Variants in MEI4 observed in about 807,000 individuals in gnomAD.
MEI4 encodes the protein meiosis-specific protein MEI4.
Under a neutral mutation model 31.4 loss-of-function variants are expected in MEI4, and 27 were observed. The observed-to-expected ratio is 0.86, with a 90% CI of 0.63 to 1.19. MEI4 has a LOEUF of 1.19. Among genes scored for constraint, MEI4 ranks in the 50% most tolerant of loss-of-function variants. The pLI, the probability that MEI4 is intolerant of heterozygous loss-of-function variation, is 0.00. For missense variants in MEI4, 329 were observed against 398.9 expected, an observed-to-expected ratio of 0.82 and a Z score of 1.49; for synonymous variants, 122 against 145.4, an observed-to-expected ratio of 0.84 and a Z score of 1.16.
chr6:77,790,820 C>G (rs2127695770), intron 3 of MEI4, among the ~76,000 whole-genome samples: 1 of 151,960 alleles, frequency 6.6e-6, no homozygotes, highest in African/African-American at 2.4e-5. Context: ...ATTATGAACT[C>G]AAACAAATTT....
chr6:77,926,230 ATTAGC>A lies in MEI4; in HGVS notation c.*2888_*2892del, dbSNP rs2127745278. 1 of 152,040 alleles carries A rather than the reference ATTAGC, an allele frequency of 6.6e-6. No homozygotes were observed. Among genetic ancestry groups the A allele is most frequent in the African/African-American group, 2.4e-5 (1 of 41,536 alleles). The allele number at this position is 152,040 out of a possible 1,614,324, so 9.4% of individuals were successfully genotyped here. ...CAACAGTGGAAATTACTAGCTTATG[ATTAGC>A]TTATTTTGGATTTTTTAATTGCTGT... On this transcript the variant is annotated 3_prime_UTR_variant, in exon 5 of 5. Coordinates refer to ENST00000684080, the MANE Select transcript of MEI4 (RefSeq NM_001322247.2).
chr6:77,739,696 C>T (rs984300071), intron 2 of MEI4, among the ~76,000 whole-genome samples: 5 of 151,926 alleles, frequency 3.3e-5, no homozygotes, highest in Admixed American at 3.3e-4. Flanking sequence ...AACAAACCTG[C>T]ACGTTCTGCA....
chr6:77,877,447 A>G (rs1771368492), intron 4 of MEI4, among the ~76,000 whole-genome samples: 2 of 150,506 alleles, frequency 1.3e-5, no homozygotes, highest in South Asian at 4.2e-4. Context: ...AAAGAAGGAA[A>G]ATTAAGCCAT....
chr6:77,916,317 C>T (rs570884900), intron 4 of MEI4, among the ~76,000 whole-genome samples: 66 of 151,984 alleles, frequency 4.3e-4, no homozygotes, highest in Non-Finnish European at 5.6e-4. Context: ...AAAATCTTTC[C>T]TTTTATCATG....
intron 3 of MEI4, among the ~76,000 whole-genome samples, chr6:77,773,285 A>G (rs1481218171): frequency 1.3e-5 from 2 of 151,784 alleles, no homozygotes; most frequent in Admixed American, 6.6e-5. Flanking sequence ...TTACCACTAT[A>G]CTGGAGAGCT....
At position 77,680,128 on chromosome 6, in the gene MEI4, A is replaced by AAAAAAAAAAAAAAAAAAAAAAAAAAAT. The variant is rs1247876878; in HGVS notation, c.-14-10529_-14-10528insAAAAAAAAAAAAAAAAAAAAAAAAATA. On this transcript the variant is annotated intron_variant, in intron 1 of 4. Transcript: ENST00000684080. Reference sequence around the variant, plus strand: ...CTACTAAAAATACAAAAAAAAAAAAAATTAGCTGGGCGTGATGGCGGGCGC... The same window carrying AAAAAAAAAAAAAAAAAAAAAAAAAAAT: ...CTACTAAAAATACAAAAAAAAAAAAAAAAAAAAAAAAAAAAAAAAAAAAAAATATTAGCTGGGCGTGATGGCGGGCGC... Among the ~76,000 whole-genome samples, 39 of 115,550 alleles carry AAAAAAAAAAAAAAAAAAAAAAAAAAAT rather than the reference A, an allele frequency of 3.4e-4. 1 individual carries two copies. The highest frequency in any genetic ancestry group is 8.0e-4 in the African/African-American group (26 of 32,410). 75.8% of individuals were successfully genotyped at this position (115,550 alleles called of 152,430 possible).
At chr6:77,922,485 T>C (rs1766726723) in intron 4 of MEI4, among the ~76,000 whole-genome samples, 2 of 151,688 alleles carry the variant, frequency 1.3e-5, no homozygotes, top group Admixed American at 6.6e-5. Context: ...ATTTTATGCT[T>C]GCTATTGTCT....
intron 3 of MEI4, among the ~76,000 whole-genome samples, chr6:77,791,444 C>A (rs1178248236): frequency 6.8e-6 from 1 of 146,916 alleles, no homozygotes; most frequent in Non-Finnish European, 1.5e-5. Flanking sequence ...AAAAACCAAA[C>A]ACTGCATATT....
chr6:77,865,814 G>C (rs989138396), intron 4 of MEI4, among the ~76,000 whole-genome samples: 2 of 152,138 alleles, frequency 1.3e-5, no homozygotes, highest in Non-Finnish European at 1.5e-5. Flanking sequence ...GATGAACATT[G>C]ATGCAAAAAT....
chr6:77,777,328 C>G (rs1768476837), intron 3 of MEI4, among the ~76,000 whole-genome samples: 1 of 152,176 alleles, frequency 6.6e-6, no homozygotes, highest in Non-Finnish European at 1.5e-5. Flanking sequence ...CATAAATTAG[C>G]TCTACTAGTT....
At chr6:77,665,338 G>T (rs1286546858) in intron 1 of MEI4, among the ~76,000 whole-genome samples, 3 of 152,084 alleles carry the variant, frequency 2.0e-5, no homozygotes, top group Non-Finnish European at 4.4e-5. Context: ...GGGTTGAGGG[G>T]TACTTGCCCC....
At chr6:77,665,568 G>T (rs1010820830) in intron 1 of MEI4, among the ~76,000 whole-genome samples, 1 of 152,160 alleles carries the variant, frequency 6.6e-6, no homozygotes, top group South Asian at 2.1e-4. Context: ...TGCTGCTAAG[G>T]GTGAAGGACC....
At chr6:77,771,700 T>A (rs1768323370) in intron 3 of MEI4, among the ~76,000 whole-genome samples, 1 of 151,978 alleles carries the variant, frequency 6.6e-6, no homozygotes, top group Non-Finnish European at 1.5e-5. Context: ...AAATGAAATA[T>A]TACATGTTCT....
intron 4 of MEI4, among the ~76,000 whole-genome samples, chr6:77,867,594 T>C (rs1325824271): frequency 6.6e-6 from 1 of 152,014 alleles, no homozygotes; most frequent in Non-Finnish European, 1.5e-5. Context: ...TGTGGAGAAA[T>C]AGGAACACTT....
intron 2 of MEI4, among the ~76,000 whole-genome samples, chr6:77,695,768 A>T (rs1268788092): frequency 6.6e-6 from 1 of 152,200 alleles, no homozygotes; most frequent in African/African-American, 2.4e-5. Context: ...GTTCCATATG[A>T]ACTTGAAAGT....
At chr6:77,741,181 A>T (rs149088610) in intron 2 of MEI4, among the ~76,000 whole-genome samples, 54 of 152,274 alleles carry the variant, frequency 3.5e-4, no homozygotes, top group Non-Finnish European at 2.5e-4. Context: ...GTGAACTGTC[A>T]GGAATTTAAA....
At chr6:77,882,964 C>T (rs1308710012) in intron 4 of MEI4, among the ~76,000 whole-genome samples, 1 of 151,978 alleles carries the variant, frequency 6.6e-6, no homozygotes, top group Non-Finnish European at 1.5e-5. Context: ...TTAGATATAT[C>T]TTTGATGTTA....
Position 77,761,174 on chromosome 6 carries a change from G to A in MEI4, c.277G>A (p.Glu93Lys). 1 of 1,232,104 alleles carries A rather than the reference G, an allele frequency of 8.1e-7. No homozygotes were observed. 76.3% of individuals were successfully genotyped at this position (1,232,104 alleles called of 1,614,324 possible). A position where few individuals can be genotyped will look rare whatever the true frequency, so the allele number is the denominator to read the frequency against. The change falls in exon 3 of 5, where the codon GAA becomes AAA. Residue 93 changes from glutamate (E) to lysine (K), a missense_variant. Transcript: ENST00000684080. ...QLEAQEPKSS[E>K]STLTSMEDSG... ...GGAGGCTCAGGAACCTAAGAGTTCT[G>A]AAAGTACATTAACTTCGATGGAAGA...
intron 2 of MEI4, among the ~76,000 whole-genome samples, chr6:77,760,065 T>G: frequency 6.6e-6 from 1 of 152,144 alleles, no homozygotes. Flanking sequence ...TGATGGCATG[T>G]CTGTCAAAGA....
Sources: allele counts gnomAD v4.1 joint callset (sites outside exome capture counted in the v4.1 genomes callset), GRCh38; gene constraint gnomAD v4.1.1; transcripts MANE v1.5; gene names NCBI Gene and HGNC (gene_info 2026-07-23, HGNC 2026-07-21).